The following KANK1 variants were observed in gnomAD, a reference collection of about 807,000 sequenced individuals.
KANK1 encodes KN motif and ankyrin repeat domain-containing protein 1.
Under a neutral mutation model 106.2 loss-of-function variants are expected in KANK1, and 109 were observed. The observed-to-expected ratio is 1.03, with a 90% CI of 0.88 to 1.20. The LOEUF is 1.20. Ranked by LOEUF, KANK1 falls within the 50% of genes most tolerant of loss-of-function variation. The pLI, the probability that KANK1 is intolerant of heterozygous loss-of-function variation, is 0.00. For synonymous variants in KANK1, 873 were observed against 652.2 expected (o/e 1.34, Z -5.16); for missense variants, 2,399 against 1,710.7 (o/e 1.40, Z -7.10).
At chr9:664,907 G>A (rs899269032) in intron 1 of KANK1, among the ~76,000 whole-genome samples, 4 of 152,058 alleles carry the variant, frequency 2.6e-5, no homozygotes, top group Non-Finnish European at 1.5e-5. Flanking sequence ...GTTTTGATTT[G>A]CATTTTCTGG....
chr9:600,433 A>C (rs1389795955), intron 1 of KANK1, among the ~76,000 whole-genome samples: 1 of 151,920 alleles, frequency 6.6e-6, no homozygotes, highest in East Asian at 1.9e-4. Context: ...ATGCTTGGAA[A>C]GAAAGAAGAA....
intron 3 of KANK1, among the ~76,000 whole-genome samples, chr9:719,260 C>T (rs934414968): frequency 2.0e-5 from 3 of 152,178 alleles, no homozygotes; most frequent in African/African-American, 7.2e-5. Context: ...AGCCAGCGCG[C>T]CCGGCCTCAA....
chr9:491,595 T>C (rs73386751), intron 3 of KANK1, among the ~76,000 whole-genome samples: 2,575 of 152,150 alleles, frequency 0.017, 84 homozygotes, highest in African/African-American at 0.057. Flanking sequence ...AGCATGGTGA[T>C]AGTGGGCCTC....
At chr9:694,845 C>T (rs995111068) in intron 2 of KANK1, among the ~76,000 whole-genome samples, 1 of 152,144 alleles carries the variant, frequency 6.6e-6, no homozygotes, top group Admixed American at 6.5e-5. Flanking sequence ...TGGAAAGGTG[C>T]TGCTGAGTGG....
intron 1 of KANK1, among the ~76,000 whole-genome samples, chr9:655,148 T>C (rs1841843102): frequency 6.6e-6 from 1 of 152,064 alleles, no homozygotes; most frequent in Admixed American, 6.5e-5. Flanking sequence ...GGCGAGTGGA[T>C]CACCTGCGGT....
At chr9:742,514 T>C in intron 10 of KANK1, 109 bp downstream of exon 10, 1 of 792,238 alleles carries the variant, frequency 1.3e-6, no homozygotes, top group South Asian at 1.8e-5. Flanking sequence ...TATTCTCCTC[T>C]GGGATTTGTG....
rs146285545 is a variant in KANK1 at position 535,526 on chromosome 9, G to A, written c.-84+30772G>A. Among the ~76,000 whole-genome samples, 9 of 152,308 alleles carry A rather than the reference G, an allele frequency of 5.9e-5. No homozygotes were observed. In the East Asian group the frequency reaches 1.7e-3, roughly 29 times the overall value. On this transcript the variant is annotated intron_variant, in intron 1 of 11. Transcript: ENST00000382297. Reference sequence around the variant, plus strand: ...TGATCATCTCCAAGTGACGTTCAGAGAGGTGGTCTGCCCCAGGTCACAGGG... The same window carrying A: ...TGATCATCTCCAAGTGACGTTCAGAAAGGTGGTCTGCCCCAGGTCACAGGG...
At position 510,820 on chromosome 9, in the gene KANK1, A is replaced by G. The variant is rs192485776; in HGVS notation, c.-84+6066A>G. Among the ~76,000 whole-genome samples, 10 of 152,360 alleles carry G rather than the reference A, an allele frequency of 6.6e-5. No individual in the cohort carries two copies. The East Asian group carries it at 1.5e-3, about 23-fold the overall frequency. ...CACCTGCCAGAGATTAGAATGCAGT[A>G]GGCTGCTTTTTTGCCTAATTATAGA... On this transcript the variant is annotated intron_variant, in intron 1 of 11. Coordinates refer to ENST00000382297, the MANE Select transcript of KANK1 (RefSeq NM_015158.5).
At chr9:671,199 G>A (rs1588763979) in intron 1 of KANK1, among the ~76,000 whole-genome samples, 1 of 149,790 alleles carries the variant, frequency 6.7e-6, no homozygotes, top group South Asian at 2.1e-4. Flanking sequence ...TCCTACCATT[G>A]CATTTAGAAC....
chr9:637,944 C>A (rs1336719954), intron 1 of KANK1, among the ~76,000 whole-genome samples: 1 of 152,176 alleles, frequency 6.6e-6, no homozygotes, highest in Non-Finnish European at 1.5e-5. Context: ...GGTTCCTACT[C>A]TTTATTCCAC....
At chr9:604,234 C>A (rs1224362757) in intron 1 of KANK1, among the ~76,000 whole-genome samples, 1 of 151,604 alleles carries the variant, frequency 6.6e-6, no homozygotes, top group African/African-American at 2.4e-5. Context: ...CTAATAATGA[C>A]CATTTATTGA....
chr9:633,407 G>A (rs1487688767), intron 1 of KANK1, among the ~76,000 whole-genome samples: 3 of 152,100 alleles, frequency 2.0e-5, no homozygotes, highest in Non-Finnish European at 2.9e-5. Context: ...GCAGTGAGCC[G>A]TGATCGCGCC....
chr9:547,955 T>A (rs2061035557), intron 1 of KANK1, among the ~76,000 whole-genome samples: 1 of 152,062 alleles, frequency 6.6e-6, no homozygotes, highest in African/African-American at 2.4e-5. Context: ...TTTTTTTATG[T>A]TTTTTTTCTT....
intron 1 of KANK1, among the ~76,000 whole-genome samples, chr9:633,273 G>A (rs540633795): frequency 1.3e-5 from 2 of 152,098 alleles, no homozygotes; most frequent in South Asian, 2.1e-4. Context: ...CGGCTAACAC[G>A]GTGAAATCGC....
In KANK1 at chr9:559,965, G is replaced by A. The variant is rs547182644; in HGVS notation, c.-84+55211G>A. Among the ~76,000 whole-genome samples, 12 of 152,226 alleles carry A rather than the reference G, an allele frequency of 7.9e-5. No homozygotes were observed. The East Asian group carries it at 1.2e-3, about 15-fold the overall frequency. ...TTATAGTTATTTGTATTGTAGTTAC[G>A]TGTCATCCTTCTTCGTCTTAGAAGA... On this transcript the variant is annotated intron_variant, in intron 1 of 11. Transcript: ENST00000382297.
At chr9:686,789 G>A (rs1033367124) in intron 2 of KANK1, 1 of 985,406 alleles carries the variant, frequency 1.0e-6, no homozygotes, top group Non-Finnish European at 1.2e-6. Flanking sequence ...TCACACACGT[G>A]CTGGAGCTGA....
chr9:711,097 A>G lies in KANK1; in HGVS notation c.331A>G (p.Ser111Gly). ...GTGCCCCAACTTCCTCATAGCCAGA[A>G]GTCAAGTTACATCAACTCCAATCTC... is the stretch of plus-strand genomic sequence containing the variant. Reference protein sequence around the residue: ...KQCPNFLIARSQVTSTPISKP... With the variant: ...KQCPNFLIARGQVTSTPISKP... Residue 111 changes from serine to glycine, a missense_variant, in exon 3 of 12, where the codon AGT (serine) becomes GGT (glycine). Physicochemically the swap from Ser to Gly is moderately conservative, Grantham distance 56. Transcript: ENST00000382297. The G allele has an allele frequency of 1.2e-6, 2 of 1,614,192 alleles. No homozygotes were observed. Among genetic ancestry groups the G allele is most frequent in the East Asian group, 2.2e-5 (1 of 44,876 alleles).
At chr9:474,252 T>C (rs1391384118) in intron 3 of KANK1, among the ~76,000 whole-genome samples, 1 of 152,016 alleles carries the variant, frequency 6.6e-6, no homozygotes, top group Non-Finnish European at 1.5e-5. Flanking sequence ...ATAAGGAAAA[T>C]AGTGACATTC....
intron 1 of KANK1, among the ~76,000 whole-genome samples, chr9:671,148 G>C (rs1845814031): frequency 6.6e-6 from 1 of 151,650 alleles, no homozygotes; most frequent in African/African-American, 2.4e-5. Flanking sequence ...GCAAGAATCT[G>C]ATTCCAGTAT....
Sources: allele counts gnomAD v4.1 joint callset (sites outside exome capture counted in the v4.1 genomes callset), GRCh38; gene constraint gnomAD v4.1.1; transcripts MANE v1.5; gene names NCBI Gene and HGNC (gene_info 2026-07-23, HGNC 2026-07-21).